Variants in EDRF1 observed in about 807,000 individuals in gnomAD.
EDRF1 encodes the protein erythroid differentiation-related factor 1.
Under a neutral mutation model 148.7 loss-of-function variants are expected in EDRF1, and 69 were observed. The ratio of observed to expected loss-of-function variants is 0.46; its 90% CI spans 0.38 to 0.57. The LOEUF (loss-of-function observed/expected upper bound fraction) is 0.57, where lower values mean the gene tolerates loss of function less well. Ranked by LOEUF, EDRF1 falls within the 20% of genes least tolerant of loss-of-function variation. EDRF1 has a pLI of 0.00. For synonymous variants in EDRF1, 515 were observed against 532.8 expected (o/e 0.97, Z 0.46); for missense variants, 1,118 against 1,478.7 (o/e 0.76, Z 4.00).
At chr10:125,753,412 G>A (rs111678963) in intron 23 of EDRF1, among the ~76,000 whole-genome samples, 1 of 152,138 alleles carries the variant, frequency 6.6e-6, no homozygotes, top group South Asian at 2.1e-4. Context: ...TGCTCTTCTA[G>A]CCCTGCTTGG....
chr10:125,749,067 A>G (rs753706435), intron 21 of EDRF1: 3 of 335,340 alleles, frequency 8.9e-6, no homozygotes, highest in African/African-American at 2.1e-5. Flanking sequence ...CCTAGCCAAC[A>G]TGACAAAACC....
At chr10:125,727,419 G>A (rs1308324627) in intron 6 of EDRF1, among the ~76,000 whole-genome samples, 2 of 152,180 alleles carry the variant, frequency 1.3e-5, no homozygotes, top group African/African-American at 4.8e-5. Flanking sequence ...CCTTTGTTAA[G>A]CAGTTATAGA....
chr10:125,729,025 C>T lies in EDRF1; in HGVS notation c.815C>T (p.Ser272Leu), dbSNP rs532388734. ...CAGGGAAGTGAGCCTCTTGAACCCT[C>T]ATACATAGTGGGGCATGTGGCCTCA... ...SSQGSEPLEP[S>L]YIVGHVASAP... The change falls in exon 7 of 25, where the codon TCA becomes TTA. Residue 272 changes from serine (S) to leucine (L), a missense_variant. This residue lies in a region of EDRF1 where 954 missense variants were observed against 1,241.4 expected (regional missense o/e 0.77). Coordinates refer to ENST00000356792, the MANE Select transcript of EDRF1 (RefSeq NM_001202438.2). The T allele has an allele frequency of 7.6e-6, 12 of 1,582,828 alleles. No homozygotes were observed. In the Admixed American group the frequency reaches 1.7e-4, roughly 23 times the overall value.
In EDRF1 at chr10:125,730,082, G is replaced by A. The variant is rs72841571; in HGVS notation, c.1017-206G>A. On this transcript the variant is annotated intron_variant, in intron 8 of 24. Transcript: ENST00000356792. Reference sequence around the variant, plus strand: ...ACTGAAAACTTACCAATGTCAGTTAGAAATACAAGCAAGCTTTTGGAAAGA... The same window carrying A: ...ACTGAAAACTTACCAATGTCAGTTAAAAATACAAGCAAGCTTTTGGAAAGA... Among the ~76,000 whole-genome samples the A allele has an allele frequency of 3.6e-3, 546 of 152,258 alleles. 1 individual carries two copies. The highest frequency in any genetic ancestry group is 5.6e-3 in the Non-Finnish European group (381 of 68,020).
chr10:125,750,750 G>A (rs942711503), intron 22 of EDRF1, among the ~76,000 whole-genome samples: 2 of 152,130 alleles, frequency 1.3e-5, no homozygotes, highest in African/African-American at 2.4e-5. Context: ...TCTAAAAATG[G>A]TTTTTACTAA....
intron 14 of EDRF1, 128 bp from the exon 15 acceptor site, chr10:125,738,167 T>C (rs759766438): frequency 1.4e-4 from 192 of 1,410,172 alleles, no homozygotes; most frequent in Middle Eastern, 1.0e-3. Context: ...TCAAACATAG[T>C]TTTTGAAAGT....
chr10:125,763,972 G>A lies in EDRF1; in HGVS notation c.*500G>A, dbSNP rs974930694. The A allele has an allele frequency of 6.0e-6, 1 of 165,652 alleles. No individual in the cohort carries two copies. Among genetic ancestry groups the A allele is most frequent in the Admixed American group, 5.7e-5 (1 of 17,492 alleles). The allele number at this position is 165,652 out of a possible 1,614,324, so 10.3% of individuals were successfully genotyped here. ...CTTCAGTGCAGGATTTTTCAAAGAC[G>A]AGCTGTTGTGCAATTTGCTGTATTT... On this transcript the variant is annotated 3_prime_UTR_variant, in exon 25 of 25. Coordinates refer to ENST00000356792, the MANE Select transcript of EDRF1 (RefSeq NM_001202438.2). The surrounding 1 kb of genome is among the most constrained non-coding windows in gnomAD (Gnocchi z 4.3).
At chr10:125,735,937 C>A in intron 13 of EDRF1, 33 bp downstream of exon 13, 1 of 1,548,996 alleles carries the variant, frequency 6.5e-7, no homozygotes, top group South Asian at 1.1e-5. Context: ...AAATTTTTAT[C>A]AAGGAAACAT....
At chr10:125,725,475 A>G (rs1848214905) in intron 5 of EDRF1, 33 bp downstream of exon 5, 6 of 1,612,894 alleles carry the variant, frequency 3.7e-6, no homozygotes, top group Non-Finnish European at 5.1e-6. Context: ...CTAAAGAGAA[A>G]AAGGGAATTC....
chr10:125,745,928 A>G lies in EDRF1; in HGVS notation c.2812A>G (p.Lys938Glu). ...ACCAGAAGAAGGCTTGTATTATAAT[A>G]AGGTAACACATTCGCGTACATGTTG... Reference protein sequence around the residue: ...FSPEEGLYYNKAIDYYLKALR... With the variant: ...FSPEEGLYYNEAIDYYLKALR... Residue 938 changes from lysine to glutamate, a missense_variant and splice_region_variant, in exon 19 of 25, where the codon AAG becomes GAG. By Grantham distance (56) the Lys-to-Glu change is moderately conservative. This residue lies in a region of EDRF1 where 954 missense variants were observed against 1,241.4 expected (regional missense o/e 0.77). Transcript: ENST00000356792. 1 of 1,614,026 alleles carries G rather than the reference A, an allele frequency of 6.2e-7. No individual in the cohort carries two copies. The highest frequency in any genetic ancestry group is 1.1e-5 in the South Asian group (1 of 91,078).
At chr10:125,729,670 GT>G (rs1848411379) in intron 8 of EDRF1, among the ~76,000 whole-genome samples, 191 bp downstream of exon 8, 1 of 152,100 alleles carries the variant, frequency 6.6e-6, no homozygotes, top group Admixed American at 6.6e-5. Flanking sequence ...CTTTCTCTAG[GT>G]TTTTTCCCCT....
rs1849536165 is a variant in EDRF1 at position 125,749,467 on chromosome 10, G to A, written c.3179G>A (p.Ser1060Asn). Residue 1060 changes from serine to asparagine, a missense_variant, in exon 22 of 25, where the codon AGC (serine) becomes AAC (asparagine). Ser to Asn is a conservative substitution (Grantham distance 46, BLOSUM62 1). Around this residue, in one of 3 missense-constraint regions of EDRF1, gnomAD observed 954 missense variants for 1,241.4 expected, o/e 0.77. Coordinates refer to ENST00000356792, the MANE Select transcript of EDRF1 (RefSeq NM_001202438.2). The stretch of plus-strand genomic sequence containing the variant: ...CGGGTGCTGGCAGATCTTCATTACA[G>A]CAAGGCCGCAAAGCTGTTTCAGCTG... Reference protein sequence around the residue: ...QHRVLADLHYSKAAKLFQLLK... With the variant: ...QHRVLADLHYNKAAKLFQLLK... 10 of 1,614,182 alleles carry A rather than the reference G, an allele frequency of 6.2e-6. No individual in the cohort carries two copies. Among genetic ancestry groups the A allele is most frequent in the South Asian group, 1.1e-5 (1 of 91,070 alleles).
chr10:125,721,554 T>G, intron 2 of EDRF1, 142 bp downstream of exon 2: 1 of 830,180 alleles, frequency 1.2e-6, no homozygotes, highest in Non-Finnish European at 2.0e-6. Context: ...TTCAAAGGCT[T>G]TTTATTCTGA....
intron 6 of EDRF1, 114 bp from the exon 7 acceptor site, chr10:125,728,889 A>T: frequency 2.4e-6 from 2 of 833,012 alleles, no homozygotes; most frequent in Non-Finnish European, 1.8e-6. Flanking sequence ...CTAATAATTC[A>T]CAATGGTAGA....
chr10:125,726,000 A>T lies in EDRF1; in HGVS notation c.792+162A>T. 3.5e-6 allele frequency: 3 copies of T among 856,172 alleles called. No homozygotes were observed. The South Asian group carries it at 5.1e-5, about 14-fold the overall frequency. The allele number at this position is 856,172 out of a possible 1,614,324, so 53.0% of individuals were successfully genotyped here. A position where few individuals can be genotyped will look rare whatever the true frequency, so the allele number is the denominator to read the frequency against. ...TGTCAATTTATGGAATTGGAGAAAT[A>T]CTTTTTAGTTTTTCGCAATAGAATT... is the stretch of plus-strand genomic sequence containing the variant. On this transcript the variant is annotated intron_variant, in intron 6 of 24. Transcript: ENST00000356792.
intron 17 of EDRF1, chr10:125,742,101 A>C: frequency 3.2e-6 from 2 of 634,296 alleles, no homozygotes; most frequent in Non-Finnish European, 5.0e-6. Context: ...CAGTTGGTGA[A>C]GGAGGTTAAT....
chr10:125,738,490 C>T (rs1273816575), intron 15 of EDRF1, 45 bp downstream of exon 15: 2 of 1,609,732 alleles, frequency 1.2e-6, no homozygotes, highest in Non-Finnish European at 1.7e-6. Context: ...TAGAATAATA[C>T]ACTGGTTCTT....
In EDRF1 at chr10:125,749,543, A is replaced by G. The variant is rs1849539200; in HGVS notation, c.3255A>G (p.Ala1085=). The change falls in exon 22 of 25, where the codon GCA becomes GCG. Residue 1085 remains alanine, a synonymous_variant. Coordinates refer to ENST00000356792, the MANE Select transcript of EDRF1 (RefSeq NM_001202438.2). ...ELLRVQLERV[A]FAEFQMTSQN... ...TTAGAGTACAGCTAGAGAGAGTAGC[A>G]TTTGCTGAATTTCAGATGACCAGTA... 3 of 1,614,016 alleles carry G rather than the reference A, an allele frequency of 1.9e-6. No individual in the cohort carries two copies. The highest frequency in any genetic ancestry group is 1.6e-4 in the Middle Eastern group (1 of 6,084).
intron 12 of EDRF1, 51 bp from the exon 13 acceptor site, chr10:125,735,593 A>G: frequency 6.3e-7 from 1 of 1,580,710 alleles, no homozygotes; most frequent in Non-Finnish European, 8.7e-7. Flanking sequence ...AGTAAAATTC[A>G]TGTATTTTTT....
Sources: gnomAD v4.1 joint callset for allele counts (sites outside exome capture counted in the v4.1 genomes callset) on GRCh38, gnomAD v4.1.1 for gene constraint, gnomAD v4.1.1 regional missense constraint, Gnocchi (gnomAD v3.1) non-coding constraint, MANE v1.5 for transcripts, NCBI Gene and HGNC (gene_info 2026-07-23, HGNC 2026-07-21) for gene names.